The following CSMD1 variants were observed in gnomAD, a reference collection of about 807,000 sequenced individuals.
The protein encoded by CSMD1 is CUB and sushi domain-containing protein 1.
Under a neutral mutation model 417.5 loss-of-function variants are expected in CSMD1, and 213 were observed. That is an observed-to-expected ratio of 0.51 (90% confidence interval 0.46 to 0.57). The LOEUF is 0.57. Ranked by LOEUF, CSMD1 falls within the 20% of genes least tolerant of loss-of-function variation. The pLI, the probability that CSMD1 is intolerant of heterozygous loss-of-function variation, is 0.00. For missense variants in CSMD1, 6,923 were observed against 4,529.7 expected (o/e 1.53, Z -15.17); for synonymous variants, 2,862 against 1,736.8 (o/e 1.65, Z -16.11).
At chr8:3,801,094 A>C (rs991924453) in intron 5 of CSMD1, among the ~76,000 whole-genome samples, 1 of 152,164 alleles carries the variant, frequency 6.6e-6, no homozygotes, top group African/African-American at 2.4e-5. Flanking sequence ...AAGCACAAGG[A>C]ATTAAAGAAG....
intron 37 of CSMD1, among the ~76,000 whole-genome samples, chr8:3,177,141 A>C (rs10104470): frequency 0.51 from 76,954 of 151,918 alleles, 20,014 homozygotes; most frequent in East Asian, 0.69. Flanking sequence ...GCTACGTGTG[A>C]AGCAAAACAA....
chr8:3,588,637 G>A (rs1343095639), intron 8 of CSMD1, among the ~76,000 whole-genome samples: 4 of 151,726 alleles, frequency 2.6e-5, no homozygotes, highest in African/African-American at 7.3e-5. Flanking sequence ...ATTCCTTTAC[G>A]TATCAGTAGC....
chr8:4,506,791 C>T (rs1802548532), intron 2 of CSMD1, among the ~76,000 whole-genome samples: 1 of 152,122 alleles, frequency 6.6e-6, no homozygotes, highest in Non-Finnish European at 1.5e-5. Context: ...GAAAGAGCCA[C>T]CTCTAATTTA....
chr8:3,297,518 C>G (rs1455399509), intron 25 of CSMD1, among the ~76,000 whole-genome samples: 1 of 151,980 alleles, frequency 6.6e-6, no homozygotes, highest in Admixed American at 6.6e-5. Flanking sequence ...CTGCATAGAT[C>G]TAGTTGTCTC....
rs1813946965 is a variant in CSMD1 at position 3,079,742 on chromosome 8, A to T, written c.7474+7355T>A. ...TGTTTCGGGGGTGAATGCAGGGTAT[A>T]ATGGAAATGGCTTCGATTTTGGAAT... On this transcript the variant is annotated intron_variant, in intron 49 of 69. Transcript: ENST00000635120. Among the ~76,000 whole-genome samples the T allele has an allele frequency of 2.0e-5, 3 of 152,290 alleles. No homozygotes were observed. The South Asian group carries it at 6.2e-4, about 32-fold the overall frequency.
chr8:3,826,701 A>G (rs548526952), intron 5 of CSMD1, among the ~76,000 whole-genome samples: 15 of 152,248 alleles, frequency 9.9e-5, no homozygotes, highest in Admixed American at 8.5e-4. Flanking sequence ...GTCCTTGATA[A>G]TTTCTTTATT....
At chr8:3,083,442 T>A (rs973177479) in intron 49 of CSMD1, among the ~76,000 whole-genome samples, 2 of 150,424 alleles carry the variant, frequency 1.3e-5, no homozygotes, top group African/African-American at 4.9e-5. Context: ...ACTTTTCGAA[T>A]CTATAATTTT....
At chr8:3,681,615 C>T (rs1330521597) in intron 7 of CSMD1, among the ~76,000 whole-genome samples, 3 of 152,074 alleles carry the variant, frequency 2.0e-5, no homozygotes, top group Non-Finnish European at 2.9e-5. Context: ...CCATACTGCC[C>T]AAGGTAATTT....
intron 3 of CSMD1, among the ~76,000 whole-genome samples, chr8:4,245,637 A>C (rs1347638086): frequency 6.6e-6 from 1 of 152,178 alleles, no homozygotes; most frequent in African/African-American, 2.4e-5. Flanking sequence ...AAACCAAGGA[A>C]ATCTTGAATT....
intron 6 of CSMD1, among the ~76,000 whole-genome samples, chr8:3,736,102 T>C (rs949997608): frequency 6.6e-6 from 1 of 152,218 alleles, no homozygotes; most frequent in African/African-American, 2.4e-5. Context: ...CCAACACTGT[T>C]GTATGCAGTT....
intron 3 of CSMD1, among the ~76,000 whole-genome samples, chr8:4,242,073 T>A (rs1802437610): frequency 6.6e-6 from 1 of 152,198 alleles, no homozygotes; most frequent in African/African-American, 2.4e-5. Flanking sequence ...TTAACCTTTA[T>A]CACCAGGCAG....
chr8:3,450,821 T>A (rs535151764), intron 12 of CSMD1, among the ~76,000 whole-genome samples: 1 of 152,012 alleles, frequency 6.6e-6, no homozygotes, highest in East Asian at 1.9e-4. Context: ...ATCCTTTGGG[T>A]ATATACCCAG....
chr8:3,256,591 A>G (rs147336190), intron 26 of CSMD1, among the ~76,000 whole-genome samples: 34 of 152,328 alleles, frequency 2.2e-4, no homozygotes, highest in African/African-American at 7.7e-4. Context: ...AAATGAACCA[A>G]CAACACTGGC....
At chr8:3,914,002 G>C (rs74909669) in intron 5 of CSMD1, among the ~76,000 whole-genome samples, 1,761 of 152,096 alleles carry the variant, frequency 0.012, 30 homozygotes, top group African/African-American at 0.04. Context: ...GTAATACTTT[G>C]TTATTCTTGA....
intron 3 of CSMD1, among the ~76,000 whole-genome samples, chr8:4,222,365 CAGAATAAGAAGCTTCCATCTTATTCTGT>C (rs1801084657): frequency 4.4e-3 from 1 of 226 alleles, no homozygotes; most frequent in Non-Finnish European, 9.6e-3. Flanking sequence ...ATTCTGTAAA[CAGAATAAGAAGCTTCCATCTTATTCTGT>C]AAACAGAATA....
At chr8:3,352,855 C>T (rs1367016984) in intron 21 of CSMD1, among the ~76,000 whole-genome samples, 1 of 151,920 alleles carries the variant, frequency 6.6e-6, no homozygotes, top group Non-Finnish European at 1.5e-5. Flanking sequence ...AACAAACAAA[C>T]AAAGAAACAA....
chr8:3,416,639 G>C (rs1026395041), intron 12 of CSMD1, among the ~76,000 whole-genome samples: 3 of 152,166 alleles, frequency 2.0e-5, no homozygotes, highest in Non-Finnish European at 4.4e-5. Context: ...ACACGTCCAG[G>C]GAGTTGCCTG....
At chr8:4,044,059 G>A (rs967513155) in intron 3 of CSMD1, among the ~76,000 whole-genome samples, 1 of 152,002 alleles carries the variant, frequency 6.6e-6, no homozygotes, top group African/African-American at 2.4e-5. Flanking sequence ...GGAGACTGGG[G>A]TTCCTGTCTT....
At chr8:3,662,777 G>A (rs1052523027) in intron 7 of CSMD1, among the ~76,000 whole-genome samples, 2 of 151,972 alleles carry the variant, frequency 1.3e-5, no homozygotes, top group Non-Finnish European at 2.9e-5. Flanking sequence ...CTCATAAGTG[G>A]GGTTGAACAA....
Sources: gnomAD v4.1 joint callset for allele counts (sites outside exome capture counted in the v4.1 genomes callset) on GRCh38, gnomAD v4.1.1 for gene constraint, MANE v1.5 for transcripts, NCBI Gene and HGNC (gene_info 2026-07-23, HGNC 2026-07-21) for gene names.